Variants in GOLPH3 observed in about 807,000 individuals in gnomAD.
The protein encoded by GOLPH3 is golgi phosphoprotein 3, also known as coat protein GPP34.
A neutral mutation model predicts 28.5 loss-of-function variants in GOLPH3; 14 were observed. The observed-to-expected ratio is 0.49, with a 90% confidence interval of 0.32 to 0.77. The LOEUF (loss-of-function observed/expected upper bound fraction) is 0.77, where lower values mean the gene tolerates loss of function less well. Ranked by LOEUF, GOLPH3 falls within the 30% of genes least tolerant of loss-of-function variation. GOLPH3 has a pLI of 0.03. For synonymous variants in GOLPH3, 158 were observed against 159.2 expected (o/e 0.99, Z 0.06); for missense variants, 350 against 393.7 (o/e 0.89, Z 0.94).
intron 1 of GOLPH3, among the ~76,000 whole-genome samples, chr5:32,150,646 C>T (rs1337069081): frequency 1.3e-5 from 2 of 152,072 alleles, no homozygotes; most frequent in African/African-American, 4.8e-5. Flanking sequence ...ATCCAAAATG[C>T]TTGTGACTGG....
At chr5:32,145,407 T>TA (rs1746165120) in intron 1 of GOLPH3, among the ~76,000 whole-genome samples, 1 of 152,220 alleles carries the variant, frequency 6.6e-6, no homozygotes, top group Non-Finnish European at 1.5e-5. Flanking sequence ...ACCAGTACTT[T>TA]ATAGAGGTTA....
chr5:32,158,005 A>G (rs1417454018), intron 1 of GOLPH3, among the ~76,000 whole-genome samples: 1 of 94,700 alleles, frequency 1.1e-5, no homozygotes, highest in Admixed American at 1.3e-4. Flanking sequence ...AAATAAATAA[A>G]TAAATAAATA....
intron 2 of GOLPH3, among the ~76,000 whole-genome samples, chr5:32,142,908 T>C (rs1341545612): frequency 4.7e-5 from 7 of 150,194 alleles, no homozygotes; most frequent in Non-Finnish European, 1.0e-4. Context: ...TACTGGGAAG[T>C]GAGGAGCCCC....
chr5:32,169,384 T>A (rs1394357328), intron 1 of GOLPH3, among the ~76,000 whole-genome samples: 2 of 152,092 alleles, frequency 1.3e-5, no homozygotes, highest in Non-Finnish European at 1.5e-5. Context: ...ATCAGAACCA[T>A]CATATGGAAT....
chr5:32,143,009 G>A (rs1581544083), intron 2 of GOLPH3, among the ~76,000 whole-genome samples: 3 of 152,196 alleles, frequency 2.0e-5, no homozygotes, highest in East Asian at 3.9e-4. Flanking sequence ...GGAATAGAAA[G>A]TGGGGAAAGG....
rs1408328056 is a variant in GOLPH3 at position 32,173,906 on chromosome 5, G to A, written c.129C>T (p.Arg43=). The change falls in exon 1 of 4, where the codon CGC becomes CGT. Residue 43 remains arginine, a synonymous_variant. Transcript: ENST00000265070. ...AGSSEDDAQS[R]RDEQDDDDKG... ...TGTCGTCGTCGTCCTGCTCGTCGCG[G>A]CGGCTCTGCGCGTCGTCCTCGCTGC... is the stretch of plus-strand genomic sequence containing the variant. The A allele has an allele frequency of 2.6e-6, 4 of 1,511,244 alleles. No homozygotes were observed. Among genetic ancestry groups the A allele is most frequent in the African/African-American group, 1.4e-5 (1 of 69,600 alleles). 93.6% of individuals were successfully genotyped at this position (1,511,244 alleles called of 1,614,324 possible). A position where few individuals can be genotyped will look rare whatever the true frequency, so the allele number is the denominator to read the frequency against.
At chr5:32,168,105 A>C (rs1189727520) in intron 1 of GOLPH3, among the ~76,000 whole-genome samples, 1 of 152,252 alleles carries the variant, frequency 6.6e-6, no homozygotes, top group African/African-American at 2.4e-5. Context: ...TTGTCTTAGA[A>C]ACAACGAAAA....
chr5:32,131,956 C>G (rs181804593), intron 3 of GOLPH3, among the ~76,000 whole-genome samples: 106 of 152,258 alleles, frequency 7.0e-4, no homozygotes, highest in African/African-American at 2.1e-3. Context: ...AAACAGTAGT[C>G]TTAGCCTGGG....
rs70961608 is a variant in GOLPH3 at position 32,155,956 on chromosome 5, CAAAAAAAAAAAAAAAAAAAA to C, written c.226-12096_226-12077del. Among the ~76,000 whole-genome samples the C allele has an allele frequency of 3.0e-3, 145 of 47,822 alleles. 4 individuals are homozygous for C. The East Asian group carries it at 0.087, about 29-fold the overall frequency. 31.4% of individuals were successfully genotyped at this position (47,822 alleles called of 152,430 possible). On this transcript the variant is annotated intron_variant, in intron 1 of 3. Transcript: ENST00000265070. ...GGGCAACAAGAGTGAAACACTGTCT[CAAAAAAAAAAAAAAAAAAAA>C]AAAAAAAAAAAAAAAAAAGATTCTA...
intron 1 of GOLPH3, among the ~76,000 whole-genome samples, chr5:32,162,149 G>A (rs1214443461): frequency 1.3e-5 from 2 of 151,312 alleles, no homozygotes; most frequent in Non-Finnish European, 2.9e-5. Context: ...CTGACCAGAG[G>A]TTCAGAACAA....
chr5:32,140,176 T>C (rs1311632260), intron 2 of GOLPH3, among the ~76,000 whole-genome samples: 1 of 150,708 alleles, frequency 6.6e-6, no homozygotes, highest in Non-Finnish European at 1.5e-5. Flanking sequence ...AGATCCCAAA[T>C]GCTTCTAGAG....
intron 1 of GOLPH3, among the ~76,000 whole-genome samples, chr5:32,156,453 A>G: frequency 6.6e-6 from 1 of 151,768 alleles, no homozygotes; most frequent in South Asian, 2.1e-4. Flanking sequence ...CAGTGAATGG[A>G]GACTGCGCCA....
intron 1 of GOLPH3, among the ~76,000 whole-genome samples, chr5:32,156,118 G>A (rs1042943411): frequency 6.6e-6 from 1 of 151,986 alleles, no homozygotes; most frequent in Admixed American, 6.6e-5. Context: ...TGCCATGTGA[G>A]GATGCAATGA....
chr5:32,152,399 A>T (rs1746326786), intron 1 of GOLPH3, among the ~76,000 whole-genome samples: 2 of 143,916 alleles, frequency 1.4e-5, no homozygotes, highest in South Asian at 4.6e-4. Flanking sequence ...TGCTGGGATT[A>T]CAGGTATGAG....
chr5:32,135,682 A>G lies in GOLPH3; in HGVS notation c.362T>C (p.Ile121Thr), dbSNP rs749285237. 1.6e-5 allele frequency: 25 copies of G among 1,599,700 alleles called. No homozygotes were observed. In the South Asian group the frequency reaches 2.5e-4, roughly 16 times the overall value. The change falls in exon 3 of 4, where the codon ATC becomes ACC. Residue 121 changes from isoleucine to threonine, a missense_variant. By Grantham distance (89) the Ile-to-Thr change is moderately conservative (BLOSUM62 -1). Coordinates refer to ENST00000265070, the MANE Select transcript of GOLPH3 (RefSeq NM_022130.4). ...CCCTGTTGGAGCATCTGACTTACAG[A>G]TTACCTAAAAAGAAAGCAAAAAGAA... ...RRKSLLTRKV[I>T]CKSDAPTGDV...
In GOLPH3 at chr5:32,143,667, A is replaced by T. The variant is rs182201445; in HGVS notation, c.357+82T>A. 344 of 1,234,050 alleles carry T rather than the reference A, an allele frequency of 2.8e-4. 1 individual carries two copies. The African/African-American group carries it at 4.9e-3, about 17-fold the overall frequency. 76.4% of individuals were successfully genotyped at this position (1,234,050 alleles called of 1,614,324 possible). On this transcript the variant is annotated intron_variant, in intron 2 of 3. Transcript: ENST00000265070. The stretch of plus-strand genomic sequence containing the variant: ...AACTTTAATATCAACTTCCACTTTA[A>T]TTTTTGAAGGCTACTAGTAAAAACA...
chr5:32,152,557 G>C, intron 1 of GOLPH3, among the ~76,000 whole-genome samples: 1 of 148,892 alleles, frequency 6.7e-6, no homozygotes, highest in African/African-American at 2.5e-5. Flanking sequence ...CGAGGCGGGC[G>C]GATCACTTGA....
At chr5:32,173,058 C>G (rs1654494284) in intron 1 of GOLPH3, among the ~76,000 whole-genome samples, 1 of 152,194 alleles carries the variant, frequency 6.6e-6, no homozygotes, top group African/African-American at 2.4e-5. Flanking sequence ...CTTCAACCCA[C>G]CTGAAGCTTT....
chr5:32,147,271 A>G (rs1746197963), intron 1 of GOLPH3, among the ~76,000 whole-genome samples: 1 of 152,200 alleles, frequency 6.6e-6, no homozygotes. Context: ...AACTTTCCTG[A>G]CCTTGAAGCA....
Sources: gnomAD v4.1 joint callset for allele counts (sites outside exome capture counted in the v4.1 genomes callset) on GRCh38, gnomAD v4.1.1 for gene constraint, MANE v1.5 for transcripts, NCBI Gene and HGNC (gene_info 2026-07-23, HGNC 2026-07-21) for gene names.